The following GPRC5C variants were observed in gnomAD, a reference collection of about 807,000 sequenced individuals.
The protein encoded by GPRC5C is G protein-coupled receptor class C group 5 member C.
In GPRC5C, 22 loss-of-function variants were observed where a neutral mutation model predicts 31.4. The ratio of observed to expected loss-of-function variants is 0.70; its 90% CI spans 0.50 to 1.00. GPRC5C has a LOEUF of 1.00. GPRC5C is among the 50% of genes least tolerant of loss of function. The probability of loss-of-function intolerance (pLI) is 0.00; values close to 1 mark genes in which losing one functional copy is unlikely to be tolerated. For synonymous variants in GPRC5C, 249 were observed against 257.5 expected (o/e 0.97, Z 0.32); for missense variants, 557 against 597.2 (o/e 0.93, Z 0.70).
At position 74,440,441 on chromosome 17, in the gene GPRC5C, G is replaced by C. The variant is rs970817375; in HGVS notation, c.665G>C (p.Gly222Ala). ...ATCTACGTCATGCTGCTGCTGCTGG[G>C]TGCCTTCCTGGGGGCCTGGCCCGCC... Reference protein sequence around the residue: ...ALIYVMLLLLGAFLGAWPALC... With the variant: ...ALIYVMLLLLAAFLGAWPALC... The change falls in exon 2 of 4, where the codon GGT (glycine) becomes GCT (alanine). Residue 222 changes from glycine (G) to alanine (A), a missense_variant. By Grantham distance (60) the Gly-to-Ala change is moderately conservative (BLOSUM62 0). Coordinates refer to ENST00000392627, the MANE Select transcript of GPRC5C (RefSeq NM_022036.4). The surrounding 1 kb of genome is among the most constrained non-coding windows in gnomAD (Gnocchi z 4.4). 2 of 1,613,790 alleles carry C rather than the reference G, an allele frequency of 1.2e-6. No homozygotes were observed. Among genetic ancestry groups the C allele is most frequent in the Non-Finnish European group, 1.7e-6 (2 of 1,179,868 alleles).
chr17:74,433,973 T>C (rs2055393983), intron 1 of GPRC5C, among the ~76,000 whole-genome samples: 1 of 152,044 alleles, frequency 6.6e-6, no homozygotes, highest in Non-Finnish European at 1.5e-5. Context: ...CAGGGCTGCT[T>C]GGGCCTCTGG....
intron 3 of GPRC5C, among the ~76,000 whole-genome samples, chr17:74,444,386 G>T (rs904206339): frequency 6.6e-6 from 1 of 152,198 alleles, no homozygotes; most frequent in Admixed American, 6.5e-5. Flanking sequence ...CTGGCAGGCA[G>T]CAAGTCTCGA....
At chr17:74,449,358 G>A (rs989622862), downstream of GPRC5C, 40 of 1,301,930 alleles carry the variant, frequency 3.1e-5, no homozygotes, top group African/African-American at 2.1e-4. Flanking sequence ...AAAGTAAAAC[G>A]AGATGGTAGA....
Position 74,440,184 on chromosome 17 carries a change from T to C in GPRC5C, c.408T>C (p.Ala136=). 2 of 1,614,200 alleles carry C rather than the reference T, an allele frequency of 1.2e-6. No homozygotes were observed. Among genetic ancestry groups the C allele is most frequent in the Non-Finnish European group, 1.7e-6 (2 of 1,180,026 alleles). The change falls in exon 2 of 4, where the codon GCT becomes GCC. Residue 136 remains alanine, a synonymous_variant. Transcript: ENST00000392627. The surrounding 1 kb of genome is among the most constrained non-coding windows in gnomAD (Gnocchi z 4.4). ...LFAICFSCLA[A]HVFALNFLAR... ...CCATCTGCTTCTCTTGTCTGGCGGCTCACGTCTTTGCCCTCAACTTCCTGG... is the reference window on the plus strand; with the variant it reads ...CCATCTGCTTCTCTTGTCTGGCGGCCCACGTCTTTGCCCTCAACTTCCTGG...
chr17:74,443,872 T>C lies in GPRC5C; in HGVS notation c.1106T>C (p.Val369Ala). ...SGYNGQLLTSVYQPTEMALMH... is the reference protein window; with the variant it reads ...SGYNGQLLTSAYQPTEMALMH... ...TACAATGGGCAGCTGCTGACCAGTG[T>C]GTACCAGCCCACTGAGATGGCCCTG... Residue 369 changes from valine (V) to alanine (A), a missense_variant, in exon 3 of 4, where the codon GTG becomes GCG. By Grantham distance (64) the Val-to-Ala change is moderately conservative. Coordinates refer to ENST00000392627, the MANE Select transcript of GPRC5C (RefSeq NM_022036.4). The C allele has an allele frequency of 5.6e-6, 9 of 1,613,534 alleles. No homozygotes were observed. The highest frequency in any genetic ancestry group is 7.6e-6 in the Non-Finnish European group (9 of 1,179,526).
rs1281926720 is a variant in GPRC5C at position 74,447,075 on chromosome 17, G to A, written c.*47G>A. 6.3e-7 allele frequency: 1 copy of A among 1,577,042 alleles called. No individual in the cohort carries two copies. The highest frequency in any genetic ancestry group is 1.1e-5 in the South Asian group (1 of 87,372). On this transcript the variant is annotated 3_prime_UTR_variant, in exon 4 of 4. Transcript: ENST00000392627. ...CGGGCGGATTTGGGGAGGGCCCTGAGGACCTGGCCCCGGGCAAGGGACTCT... is the reference window on the plus strand; with the variant it reads ...CGGGCGGATTTGGGGAGGGCCCTGAAGACCTGGCCCCGGGCAAGGGACTCT...
In GPRC5C at chr17:74,440,258, T is replaced by C. The variant is rs1321225499; in HGVS notation, c.482T>C (p.Leu161Pro). 3 of 1,614,236 alleles carry C rather than the reference T, an allele frequency of 1.9e-6. No homozygotes were observed. The highest frequency in any genetic ancestry group is 2.5e-6 in the Non-Finnish European group (3 of 1,180,042). The change falls in exon 2 of 4, where the codon CTG becomes CCG. Residue 161 changes from leucine to proline, a missense_variant. By Grantham distance (98) the Leu-to-Pro change is moderately conservative. Transcript: ENST00000392627. The surrounding 1 kb of genome is among the most constrained non-coding windows in gnomAD (Gnocchi z 4.4). ...PRGWVIFTVA[L>P]LLTLVEVIIN... ...GGCTGGGTGATCTTCACTGTGGCTC[T>C]GCTGCTGACCCTGGTAGAGGTCATC...
intron 1 of GPRC5C, among the ~76,000 whole-genome samples, chr17:74,432,843 C>G (rs1377073125): frequency 2.0e-5 from 3 of 151,974 alleles, no homozygotes; most frequent in Admixed American, 1.3e-4. Context: ...CTGCCGCCTG[C>G]TACTGTGGAT....
At chr17:74,437,710 T>C (rs1302270641) in intron 1 of GPRC5C, among the ~76,000 whole-genome samples, 1 of 151,574 alleles carries the variant, frequency 6.6e-6, no homozygotes. Context: ...GTTTGCCTAT[T>C]AGAAATTAAG....
chr17:74,444,582 G>T (rs1567964005), intron 3 of GPRC5C, among the ~76,000 whole-genome samples: 1 of 152,150 alleles, frequency 6.6e-6, no homozygotes, highest in Non-Finnish European at 1.5e-5. Context: ...AAACAAGGAG[G>T]TCAGCTGGGT....
intron 1 of GPRC5C, chr17:74,432,421 C>T (rs909889397): frequency 8.8e-7 from 1 of 1,142,448 alleles, no homozygotes; most frequent in Non-Finnish European, 1.1e-6. Flanking sequence ...CGGGCCTGGC[C>T]CAGCGCCCCG....
downstream of GPRC5C, chr17:74,447,430 C>T: frequency 2.2e-6 from 2 of 893,322 alleles, no homozygotes; most frequent in Non-Finnish European, 2.7e-6. Flanking sequence ...GCTTTATTAA[C>T]TCTTGCTCTG....
At chr17:74,433,675 C>T in intron 1 of GPRC5C, 1 of 1,594,458 alleles carries the variant, frequency 6.3e-7, no homozygotes, top group Non-Finnish European at 8.6e-7. Flanking sequence ...GGGAGGAAGG[C>T]AAGTGCTCTG....
At position 74,440,028 on chromosome 17, in the gene GPRC5C, G is replaced by C. The variant is rs370334368; in HGVS notation, c.252G>C (p.Arg84=). ...SLPFVQDTKK[R]SLLGTQVFFL... is the part of the protein sequence containing the mutation. ...CCTTTGTGCAGGACACCAAGAAACG[G>C]AGCCTGCTGGGGACCCAGGTATTCT... is the stretch of plus-strand genomic sequence containing the variant. The change falls in exon 2 of 4, where the codon CGG becomes CGC. Residue 84 remains arginine (R), a synonymous_variant. Coordinates refer to ENST00000392627, the MANE Select transcript of GPRC5C (RefSeq NM_022036.4). The surrounding 1 kb of genome is among the most constrained non-coding windows in gnomAD (Gnocchi z 4.4). 1 of 1,610,828 alleles carries C rather than the reference G, an allele frequency of 6.2e-7. No individual in the cohort carries two copies. Among genetic ancestry groups the C allele is most frequent in the Non-Finnish European group, 8.5e-7 (1 of 1,180,012 alleles).
intron 1 of GPRC5C, chr17:74,432,369 G>C: frequency 7.4e-7 from 1 of 1,349,884 alleles, no homozygotes; most frequent in Non-Finnish European, 9.5e-7. Context: ...GGGAGAGGCA[G>C]GCCCTGCGTC....
intron 1 of GPRC5C, among the ~76,000 whole-genome samples, chr17:74,433,140 C>G (rs2055380511): frequency 6.6e-6 from 1 of 152,070 alleles, no homozygotes; most frequent in South Asian, 2.1e-4. Flanking sequence ...GCTGGAAGAC[C>G]CAATCACTTA....
chr17:74,438,217 A>C (rs1274742031), intron 1 of GPRC5C, among the ~76,000 whole-genome samples: 38 of 88,638 alleles, frequency 4.3e-4, no homozygotes, highest in African/African-American at 2.3e-3. Context: ...ATATATATAT[A>C]TATATATATA....
At chr17:74,432,188 C>CGGAGCGCACGTACCT in intron 1 of GPRC5C, 47 bp downstream of exon 1, 1 of 1,581,426 alleles carries the variant, frequency 6.3e-7, no homozygotes, top group Non-Finnish European at 8.6e-7. Flanking sequence ...CCTGTGTAAA[C>CGGAGCGCACGTACCT]GGAGCGCACG....
chr17:74,448,855 C>T, downstream of GPRC5C: 1 of 1,289,768 alleles, frequency 7.8e-7, no homozygotes, highest in Non-Finnish European at 1.0e-6. Context: ...GCCAGGCCAA[C>T]ACCAACCAGG....
Sources: gnomAD v4.1 joint callset for allele counts (sites outside exome capture counted in the v4.1 genomes callset) on GRCh38, gnomAD v4.1.1 for gene constraint, Gnocchi (gnomAD v3.1) non-coding constraint, MANE v1.5 for transcripts, NCBI Gene and HGNC (gene_info 2026-07-23, HGNC 2026-07-21) for gene names.